MOB4: variants seen among roughly 807,000 people sequenced by gnomAD.
MOB4 encodes the protein MOB family member 4, phocein, also known as MOB-like protein phocein.
Under a neutral mutation model 32.2 loss-of-function variants are expected in MOB4, and 4 were observed. The ratio of observed to expected loss-of-function variants is 0.12; its 90% confidence interval spans 0.06 to 0.28. The LOEUF (loss-of-function observed/expected upper bound fraction) is 0.28, where lower values mean the gene tolerates loss of function less well. MOB4 is among the 10% of genes least tolerant of loss of function. The probability of loss-of-function intolerance (pLI) is 1.00; values close to 1 mark genes in which losing one functional copy is unlikely to be tolerated. For synonymous variants in MOB4, 88 were observed against 88.1 expected (o/e 1.00, Z 0.01); for missense variants, 158 against 271.2 (o/e 0.58, Z 2.93).
chr2:197,539,581 G>A (rs1212221082), intron 3 of MOB4, among the ~76,000 whole-genome samples: 1 of 152,144 alleles, frequency 6.6e-6, no homozygotes, highest in Admixed American at 6.6e-5. Flanking sequence ...GCCTCCCAAA[G>A]TGTTGGGATT....
intron 2 of MOB4, chr2:197,534,049 C>T (rs2106120583): frequency 2.3e-6 from 1 of 439,566 alleles, no homozygotes; most frequent in East Asian, 5.2e-5. Flanking sequence ...GAAAATGTCA[C>T]CATCATCTGG....
intron 6 of MOB4, among the ~76,000 whole-genome samples, chr2:197,549,184 C>T (rs1314980637): frequency 1.3e-5 from 2 of 151,904 alleles, no homozygotes; most frequent in African/African-American, 2.4e-5. Context: ...GCCGAGATCG[C>T]GCCATTGCAC....
At chr2:197,521,753 G>A (rs912068099) in intron 1 of MOB4, among the ~76,000 whole-genome samples, 8 of 151,712 alleles carry the variant, frequency 5.3e-5, no homozygotes, top group Admixed American at 2.0e-4. Context: ...GCTCTGTTCC[G>A]CCCGGCTCAC....
intron 2 of MOB4, chr2:197,534,021 A>T (rs1401249460): frequency 6.4e-6 from 3 of 468,448 alleles, no homozygotes; most frequent in Non-Finnish European, 1.2e-5. Flanking sequence ...GGTCACTATC[A>T]TGTCACCATA....
At chr2:197,531,897 G>C (rs1226647825) in intron 2 of MOB4, among the ~76,000 whole-genome samples, 3 of 151,830 alleles carry the variant, frequency 2.0e-5, no homozygotes. Flanking sequence ...AAAGTGTGGA[G>C]GACTCATTAT....
chr2:197,543,229 G>A (rs1439400614), intron 5 of MOB4, among the ~76,000 whole-genome samples: 1 of 152,122 alleles, frequency 6.6e-6, no homozygotes, highest in Non-Finnish European at 1.5e-5. Flanking sequence ...AAGGACTCAA[G>A]GTTGAAGTAA....
At chr2:197,535,191 C>T (rs1454828686) in intron 2 of MOB4, among the ~76,000 whole-genome samples, 3 of 150,134 alleles carry the variant, frequency 2.0e-5, no homozygotes, top group Admixed American at 1.3e-4. Context: ...CCACTGTACT[C>T]CAGCCTGGGT....
intron 5 of MOB4, among the ~76,000 whole-genome samples, chr2:197,544,766 G>GA (rs2086964728): frequency 6.7e-6 from 1 of 148,986 alleles, no homozygotes; most frequent in East Asian, 2.0e-4. Context: ...AAAAAAAAAA[G>GA]GGTCAAAATG....
At chr2:197,515,733 G>A (rs528523592), upstream of MOB4, 29 of 312,230 alleles carry the variant, frequency 9.3e-5, no homozygotes, top group Middle Eastern at 2.0e-3. Context: ...TTCTTCCCGT[G>A]TAACTAACGA....
intron 1 of MOB4, 162 bp downstream of exon 1, chr2:197,516,308 C>T (rs1373030113): frequency 4.9e-6 from 7 of 1,433,112 alleles, no homozygotes; most frequent in Non-Finnish European, 3.7e-6. Flanking sequence ...CTCAATTTGG[C>T]TGAGGCGGTG....
At chr2:197,531,983 C>G (rs1158370078) in intron 2 of MOB4, among the ~76,000 whole-genome samples, 1 of 152,118 alleles carries the variant, frequency 6.6e-6, no homozygotes, top group African/African-American at 2.4e-5. Context: ...GATTGCTGCT[C>G]AGAGCAACCT....
intron 1 of MOB4, among the ~76,000 whole-genome samples, chr2:197,520,312 G>A (rs2086492613): frequency 6.6e-6 from 1 of 151,058 alleles, no homozygotes; most frequent in Non-Finnish European, 1.5e-5. Flanking sequence ...CTAATTTTTT[G>A]TATTTTTTCA....
chr2:197,531,407 T>C (rs1053132143), intron 2 of MOB4, among the ~76,000 whole-genome samples: 2 of 152,144 alleles, frequency 1.3e-5, no homozygotes, highest in African/African-American at 4.8e-5. Context: ...TGTGCAACCA[T>C]CACCACCGTG....
At chr2:197,525,841 A>G (rs2086603393) in intron 2 of MOB4, among the ~76,000 whole-genome samples, 1 of 152,200 alleles carries the variant, frequency 6.6e-6, no homozygotes, top group African/African-American at 2.4e-5. Flanking sequence ...CTCTATGCCT[A>G]GAAATTGGTT....
chr2:197,546,294 C>T (rs1238684221), intron 5 of MOB4, among the ~76,000 whole-genome samples: 2 of 152,150 alleles, frequency 1.3e-5, no homozygotes, highest in African/African-American at 4.8e-5. Context: ...ATCTCCTGAC[C>T]TTGTGATCCA....
chr2:197,529,560 C>T (rs1341904958), intron 2 of MOB4, among the ~76,000 whole-genome samples: 3 of 152,088 alleles, frequency 2.0e-5, no homozygotes, highest in Middle Eastern at 6.8e-3. Flanking sequence ...CCATATTGAC[C>T]AGGCTGGTCT....
intron 5 of MOB4, among the ~76,000 whole-genome samples, chr2:197,544,992 GT>G (rs2086969672): frequency 6.6e-6 from 1 of 152,166 alleles, no homozygotes; most frequent in South Asian, 2.1e-4. Flanking sequence ...CAGTTTGGAA[GT>G]TCCTTAAAAT....
intron 1 of MOB4, among the ~76,000 whole-genome samples, chr2:197,523,264 T>C (rs1321375284): frequency 6.6e-6 from 1 of 152,186 alleles, no homozygotes; most frequent in East Asian, 1.9e-4. Flanking sequence ...ATAGTTCAAT[T>C]AAATAAAATC....
At chr2:197,529,089 T>G (rs2086658041) in intron 2 of MOB4, among the ~76,000 whole-genome samples, 2 of 151,818 alleles carry the variant, frequency 1.3e-5, no homozygotes, top group Admixed American at 6.6e-5. Flanking sequence ...GCAGTTCTCC[T>G]GCCTCAGCCT....
Sources: allele counts gnomAD v4.1 joint callset (sites outside exome capture counted in the v4.1 genomes callset), GRCh38; gene constraint gnomAD v4.1.1; transcripts MANE v1.5; gene names NCBI Gene and HGNC (gene_info 2026-07-23, HGNC 2026-07-21).